The following BIRC6 variants were observed in gnomAD, a reference collection of about 807,000 sequenced individuals.
BIRC6 encodes dual E2 ubiquitin-conjugating enzyme/E3 ubiquitin-protein ligase BIRC6.
BIRC6 carries 98 observed loss-of-function variants against 503.3 expected under a neutral mutation model. The ratio of observed to expected loss-of-function variants is 0.19; its 90% CI spans 0.17 to 0.23. The LOEUF is 0.23. BIRC6 is among the 10% of genes least tolerant of loss of function. The pLI, the probability that BIRC6 is intolerant of heterozygous loss-of-function variation, is 1.00. For missense variants in BIRC6, 5,360 were observed against 5,806.0 expected (o/e 0.92, Z 2.50); for synonymous variants, 2,240 against 2,078.7 (o/e 1.08, Z -2.11).
At chr2:32,455,530 G>T (rs1343985541) in intron 23 of BIRC6, among the ~76,000 whole-genome samples, 1 of 152,186 alleles carries the variant, frequency 6.6e-6, no homozygotes, top group Non-Finnish European at 1.5e-5. Context: ...GGGAGGCTGA[G>T]GTACGAGAAT....
chr2:32,539,525 G>A (rs1437151084), intron 61 of BIRC6, among the ~76,000 whole-genome samples: 1 of 152,146 alleles, frequency 6.6e-6, no homozygotes, highest in Non-Finnish European at 1.5e-5. Context: ...ATAGCGGTAA[G>A]ATCTAGAAAA....
At chr2:32,380,988 A>G (rs2037555491) in intron 3 of BIRC6, among the ~76,000 whole-genome samples, 1 of 152,116 alleles carries the variant, frequency 6.6e-6, no homozygotes, top group Non-Finnish European at 1.5e-5. Flanking sequence ...GCATACTGGG[A>G]TGTATATGAG....
chr2:32,524,482 T>A (rs1016767666), intron 57 of BIRC6, among the ~76,000 whole-genome samples: 2 of 152,218 alleles, frequency 1.3e-5, no homozygotes, highest in African/African-American at 4.8e-5. Context: ...CAGTAGCCTT[T>A]CTAAGGCTGT....
intron 1 of BIRC6, among the ~76,000 whole-genome samples, chr2:32,361,064 G>A (rs928280173): frequency 2.0e-5 from 3 of 151,966 alleles, no homozygotes; most frequent in East Asian, 3.9e-4. Flanking sequence ...GGGATTACAG[G>A]TACACACCAC....
In BIRC6 at chr2:32,443,573, G is replaced by T; in HGVS notation, c.4321G>T (p.Ala1441Ser). ...ACTTGATAATATGTCATTTTTACCT[G>T]CAGCAACAACTGGTGGTATGTAAAA... ...ALLDNMSFLP[A>S]ATTGGSVYWY... The change falls in exon 20 of 74, where the codon GCA becomes TCA. Residue 1441 changes from alanine to serine, a missense_variant. Transcript: ENST00000421745. 6.2e-7 allele frequency: 1 copy of T among 1,601,722 alleles called. No homozygotes were observed.
intron 66 of BIRC6, among the ~76,000 whole-genome samples, chr2:32,581,783 G>C (rs957097334): frequency 6.6e-6 from 1 of 152,202 alleles, no homozygotes; most frequent in Non-Finnish European, 1.5e-5. Context: ...CCATCAAAAG[G>C]AGGATTGTTT....
At position 32,453,961 on chromosome 2, in the gene BIRC6, A is replaced by G; in HGVS notation, c.4753+19A>G. The G allele has an allele frequency of 6.3e-7, 1 of 1,590,532 alleles. No individual in the cohort carries two copies. The highest frequency in any genetic ancestry group is 1.1e-5 in the South Asian group (1 of 89,066). On this transcript the variant is annotated intron_variant, in intron 23 of 73. Transcript: ENST00000421745. ...GATGCAAGTACGTTTACTGGTATAT[A>G]CCTTCTTTTATTATATACTTTATGC...
In BIRC6 at chr2:32,357,172, G is replaced by C; in HGVS notation, c.11G>C (p.Gly4Ala). The change falls in exon 1 of 74, where the codon GGT (glycine) becomes GCT (alanine). Residue 4 changes from glycine (G) to alanine (A), a missense_variant. This residue lies in a region of BIRC6 where 145 missense variants were observed against 106.9 expected (regional missense o/e 1.36). Transcript: ENST00000421745. The surrounding 1 kb of genome is among the most constrained non-coding windows in gnomAD (Gnocchi z 4.9). MVT[G>A]GGAAPPGTVT... is the part of the protein sequence containing the mutation. ...GCCCCCTGGCCCCGGATGGTGACTG[G>C]TGGTGGTGCTGCACCTCCCGGGACT... The C allele has an allele frequency of 6.6e-7, 1 of 1,526,290 alleles. No homozygotes were observed. The highest frequency in any genetic ancestry group is 1.2e-5 in the South Asian group (1 of 81,492). The allele number at this position is 1,526,290 out of a possible 1,614,324, so 94.5% of individuals were successfully genotyped here. A position where few individuals can be genotyped will look rare whatever the true frequency, so the allele number is the denominator to read the frequency against.
intron 65 of BIRC6, among the ~76,000 whole-genome samples, chr2:32,559,957 A>C (rs2150646204): frequency 6.6e-6 from 1 of 152,210 alleles, no homozygotes; most frequent in Admixed American, 6.5e-5. Flanking sequence ...CGGAGGTTGC[A>C]GTGAGCCGAG....
chr2:32,490,543 GTGAC>G (rs1365702620), intron 43 of BIRC6, among the ~76,000 whole-genome samples: 2 of 152,034 alleles, frequency 1.3e-5, no homozygotes, highest in African/African-American at 4.8e-5. Context: ...TCCAATAAAA[GTGAC>G]TGAGTTTTTT....
intron 26 of BIRC6, among the ~76,000 whole-genome samples, chr2:32,466,036 A>T (rs770998295): frequency 6.6e-5 from 10 of 152,196 alleles, no homozygotes; most frequent in Non-Finnish European, 1.2e-4. Context: ...TTTTTTATAC[A>T]TAGCAATGAC....
chr2:32,578,811 C>A (rs140737619), intron 66 of BIRC6, among the ~76,000 whole-genome samples: 2,147 of 141,388 alleles, frequency 0.015, 51 homozygotes, highest in African/African-American at 0.055. Context: ...AAAATACATA[C>A]ATACATACAT....
intron 26 of BIRC6, among the ~76,000 whole-genome samples, chr2:32,465,556 G>C (rs376667543): frequency 6.6e-6 from 1 of 152,046 alleles, no homozygotes; most frequent in African/African-American, 2.4e-5. Context: ...GTAATAACTG[G>C]ATAAGAATAA....
At position 32,499,826 on chromosome 2, in the gene BIRC6, T is replaced by C. The variant is rs2052940181; in HGVS notation, c.8748T>C (p.Asp2916=). Residue 2916 remains aspartate, a synonymous_variant, in exon 46 of 74, where the codon GAT becomes GAC. Transcript: ENST00000421745. ...CAGTTTGTGGCGAAATGACAAGAGA[T>C]CAACTCATGTTTGATTTGTTAAAAC... is the stretch of plus-strand genomic sequence containing the variant. ...AKAVCGEMTR[D]QLMFDLLKLV... is the part of the protein sequence containing the mutation. 2 of 1,614,030 alleles carry C rather than the reference T, an allele frequency of 1.2e-6. No homozygotes were observed. The highest frequency in any genetic ancestry group is 8.5e-7 in the Non-Finnish European group (1 of 1,179,892).
chr2:32,414,539 A>G (rs553865611), intron 9 of BIRC6, among the ~76,000 whole-genome samples: 11 of 151,994 alleles, frequency 7.2e-5, no homozygotes, highest in African/African-American at 2.7e-4. Context: ...TGGTGGCGTG[A>G]GCTTGTAATC....
chr2:32,610,090 C>G (rs193189587), intron 72 of BIRC6, among the ~76,000 whole-genome samples: 142 of 152,268 alleles, frequency 9.3e-4, no homozygotes, highest in East Asian at 4.6e-3. Flanking sequence ...AAAGCTGTGT[C>G]ATACTTACTT....
chr2:32,365,486 A>T (rs2034771168), intron 1 of BIRC6, among the ~76,000 whole-genome samples: 1 of 151,866 alleles, frequency 6.6e-6, no homozygotes, highest in African/African-American at 2.4e-5. Context: ...CGCCCAGCTA[A>T]TTTTTTCTAT....
rs1487359431 is a variant in BIRC6, at chr2:32,599,780, C to A, written c.13872C>A (p.Gly4624=). 1.9e-6 allele frequency: 3 copies of A among 1,613,932 alleles called. No homozygotes were observed. The highest frequency in any genetic ancestry group is 2.5e-6 in the Non-Finnish European group (3 of 1,179,828). ...TGPADTPYAN[G]CFEFDVYFPQ... is the part of the protein sequence containing the mutation. ...CAGCGGACACCCCTTATGCAAATGG[C>A]TGCTTTGAGTTTGATGTGTATTTTC... is the stretch of plus-strand genomic sequence containing the variant. The change falls in exon 70 of 74, where the codon GGC becomes GGA. Residue 4624 remains glycine (G), a synonymous_variant. Transcript: ENST00000421745.
At position 32,499,665 on chromosome 2, in the gene BIRC6, G is replaced by A. The variant is rs140363088; in HGVS notation, c.8587G>A (p.Val2863Ile). 6.2e-7 allele frequency: 1 copy of A among 1,613,924 alleles called. No homozygotes were observed. The highest frequency in any genetic ancestry group is 8.5e-7 in the Non-Finnish European group (1 of 1,179,864). Residue 2863 changes from valine to isoleucine, a missense_variant, in exon 46 of 74, where the codon GTT (valine) becomes ATT (isoleucine). Physicochemically the swap from Val to Ile is conservative, Grantham distance 29 (BLOSUM62 3). This residue lies in a region of BIRC6 where 2,299 missense variants were observed against 2,267.2 expected (regional missense o/e 1.01). Coordinates refer to ENST00000421745, the MANE Select transcript of BIRC6 (RefSeq NM_016252.4). ...VSTISAVIES[V>I]TFLVHHYITC... The stretch of plus-strand genomic sequence containing the variant: ...TACTATTTCTGCCGTGATAGAATCG[G>A]TTACATTTTTAGTGCACCACTATAT...
Sources: gnomAD v4.1 joint callset for allele counts (sites outside exome capture counted in the v4.1 genomes callset) on GRCh38, gnomAD v4.1.1 for gene constraint, gnomAD v4.1.1 regional missense constraint, Gnocchi (gnomAD v3.1) non-coding constraint, MANE v1.5 for transcripts, NCBI Gene and HGNC (gene_info 2026-07-23, HGNC 2026-07-21) for gene names.